Variants in EYA2 observed in about 807,000 individuals in gnomAD.
EYA2 encodes the protein EYA transcriptional coactivator and phosphatase 2, also known as protein phosphatase EYA2.
Under a neutral mutation model 69.2 loss-of-function variants are expected in EYA2, and 31 were observed. The observed-to-expected ratio is 0.45, with a 90% CI of 0.34 to 0.60. The LOEUF (loss-of-function observed/expected upper bound fraction) is 0.60, where lower values mean the gene tolerates loss of function less well. Among genes scored for constraint, EYA2 ranks in the 20% least tolerant of loss-of-function variants. The pLI, the probability that EYA2 is intolerant of heterozygous loss-of-function variation, is 0.02. For missense variants in EYA2, 622 were observed against 701.2 expected (o/e 0.89, Z 1.28); for synonymous variants, 257 against 279.4 (o/e 0.92, Z 0.80).
intron 5 of EYA2, among the ~76,000 whole-genome samples, chr20:47,033,117 A>AGCT (rs1230778813): frequency 6.6e-6 from 1 of 152,150 alleles, no homozygotes; most frequent in East Asian, 1.9e-4. Flanking sequence ...GGGCCATCCC[A>AGCT]GCTGCTGCTG....
chr20:46,908,692 A>G (rs1600533671), intron 1 of EYA2, among the ~76,000 whole-genome samples: 1 of 152,062 alleles, frequency 6.6e-6, no homozygotes, highest in African/African-American at 2.4e-5. Context: ...CCGTGTTGCT[A>G]GGTGTTCTGA....
rs182340263 is a variant in EYA2 at position 47,060,217 on chromosome 20, A to G, written c.416-11968A>G. Among the ~76,000 whole-genome samples the G allele has an allele frequency of 3.2e-4, 48 of 152,342 alleles. 1 individual carries two copies. Among genetic ancestry groups the G allele is most frequent in the Admixed American group, 2.7e-3 (42 of 15,312 alleles). ...TATTGGCTAAACTATAATCACGTTCATTGTGTATTTAACAAGAACTCTCTA... is the reference window on the plus strand; with the variant it reads ...TATTGGCTAAACTATAATCACGTTCGTTGTGTATTTAACAAGAACTCTCTA... On this transcript the variant is annotated intron_variant, in intron 5 of 15. Coordinates refer to ENST00000327619, the MANE Select transcript of EYA2 (RefSeq NM_005244.5).
intron 1 of EYA2, among the ~76,000 whole-genome samples, chr20:46,912,745 C>T (rs1308636705): frequency 6.7e-6 from 1 of 149,710 alleles, no homozygotes; most frequent in Non-Finnish European, 1.5e-5. Flanking sequence ...CCAGGCCGGA[C>T]TGCGGACTGC....
Position 46,903,738 on chromosome 20 carries a change from G to T in EYA2, c.-11+8751G>T, listed in dbSNP as rs144045797. 3.6e-3 allele frequency among the ~76,000 whole-genome samples: 550 copies of T among 151,970 alleles called. 7 individuals are homozygous for T. Among genetic ancestry groups the T allele is most frequent in the African/African-American group, 0.013 (525 of 41,442 alleles). The stretch of plus-strand genomic sequence containing the variant: ...GTGTTTGGAACTACGGCTGGCAAGT[G>T]GTATGAATTATATCAGTGTCAGCTA... On this transcript the variant is annotated intron_variant, in intron 1 of 15. Coordinates refer to ENST00000327619, the MANE Select transcript of EYA2 (RefSeq NM_005244.5).
intron 2 of EYA2, among the ~76,000 whole-genome samples, chr20:46,991,919 G>A (rs577092245): frequency 3.2e-4 from 45 of 139,318 alleles, no homozygotes; most frequent in South Asian, 1.7e-3. Flanking sequence ...AGTGAGCCGA[G>A]ATCGTACCAT....
intron 5 of EYA2, among the ~76,000 whole-genome samples, chr20:47,038,201 GA>G (rs1055028908): frequency 2.6e-4 from 39 of 152,084 alleles, no homozygotes; most frequent in Admixed American, 1.6e-3. Flanking sequence ...GGCGGTCAGG[GA>G]AAAAAGTCAA....
At chr20:46,921,826 A>G (rs1347809216) in intron 1 of EYA2, among the ~76,000 whole-genome samples, 1 of 152,220 alleles carries the variant, frequency 6.6e-6, no homozygotes, top group Non-Finnish European at 1.5e-5. Context: ...TTATTCCCTT[A>G]TATTAGCCAA....
intron 1 of EYA2, among the ~76,000 whole-genome samples, chr20:46,933,893 G>T (rs1985783707): frequency 6.6e-6 from 1 of 152,232 alleles, no homozygotes; most frequent in African/African-American, 2.4e-5. Context: ...CATTGTATAT[G>T]CTCAATTAAA....
chr20:46,923,196 T>C (rs1168344577), intron 1 of EYA2, among the ~76,000 whole-genome samples: 1 of 152,100 alleles, frequency 6.6e-6, no homozygotes, highest in Non-Finnish European at 1.5e-5. Flanking sequence ...GGTGAAACCC[T>C]GTCTCTACTA....
At position 46,928,954 on chromosome 20, in the gene EYA2, G is replaced by A. The variant is rs3810523; in HGVS notation, c.-11+33967G>A. On this transcript the variant is annotated intron_variant, in intron 1 of 15. Transcript: ENST00000327619. ...CAAGAGCACATTGTGTTCTGGCCCC[G>A]GTCTCCCACTAAGGCTACTTTAAAT... is the stretch of plus-strand genomic sequence containing the variant. Among the ~76,000 whole-genome samples, 127 of 152,068 alleles carry A rather than the reference G, an allele frequency of 8.4e-4. 2 individuals are homozygous for A. In the East Asian group the frequency reaches 0.022, roughly 27 times the overall value.
chr20:47,107,243 G>T (rs868619885), intron 9 of EYA2, among the ~76,000 whole-genome samples: 6 of 152,170 alleles, frequency 3.9e-5, no homozygotes, highest in African/African-American at 1.4e-4. Context: ...AAATGCAAGT[G>T]GCCAGGCACA....
chr20:47,018,233 C>T (rs1983526171), intron 5 of EYA2, among the ~76,000 whole-genome samples: 1 of 152,148 alleles, frequency 6.6e-6, no homozygotes, highest in South Asian at 2.1e-4. Context: ...ACCCGGTCCC[C>T]GTATCCCATT....
chr20:46,973,490 A>G (rs11697925), intron 1 of EYA2, among the ~76,000 whole-genome samples: 68,457 of 152,126 alleles, frequency 0.45, 15,864 homozygotes, highest in African/African-American at 0.49. Flanking sequence ...GTTCACGATG[A>G]CACAAGGAGT....
At chr20:46,942,967 T>C (rs967163786) in intron 1 of EYA2, among the ~76,000 whole-genome samples, 1 of 152,186 alleles carries the variant, frequency 6.6e-6, no homozygotes, top group African/African-American at 2.4e-5. Context: ...AGTTTCACCA[T>C]GTTGGCCAGG....
intron 10 of EYA2, among the ~76,000 whole-genome samples, chr20:47,168,355 C>T (rs1219408448): frequency 6.6e-6 from 1 of 152,016 alleles, no homozygotes; most frequent in Admixed American, 6.6e-5. Context: ...CCACGCCCAG[C>T]TAATTTGTGT....
intron 4 of EYA2, among the ~76,000 whole-genome samples, chr20:47,007,703 C>T (rs1015730459): frequency 6.6e-6 from 1 of 152,052 alleles, no homozygotes; most frequent in Non-Finnish European, 1.5e-5. Context: ...GCACCCTCCA[C>T]CTCCCAGGCT....
At chr20:47,085,623 C>T (rs937503371) in intron 7 of EYA2, among the ~76,000 whole-genome samples, 2 of 148,444 alleles carry the variant, frequency 1.3e-5, no homozygotes, top group African/African-American at 5.0e-5. Context: ...TCCAGGCTGG[C>T]AACAGAGGGA....
At chr20:47,073,069 T>C (rs1001792348) in intron 6 of EYA2, among the ~76,000 whole-genome samples, 2 of 152,198 alleles carry the variant, frequency 1.3e-5, no homozygotes, top group African/African-American at 2.4e-5. Flanking sequence ...TTTTAAGATG[T>C]GGTTCTTAAC....
chr20:46,931,088 G>A (rs6094511), intron 1 of EYA2, among the ~76,000 whole-genome samples: 17,924 of 152,164 alleles, frequency 0.12, 1,409 homozygotes, highest in East Asian at 0.43. Flanking sequence ...GTCCTCAGAT[G>A]ACTAGGCATG....
Sources: gnomAD v4.1 joint callset for allele counts (sites outside exome capture counted in the v4.1 genomes callset) on GRCh38, gnomAD v4.1.1 for gene constraint, MANE v1.5 for transcripts, NCBI Gene and HGNC (gene_info 2026-07-23, HGNC 2026-07-21) for gene names.